The following NEURL1 variants were observed in gnomAD, a reference collection of about 807,000 sequenced individuals.
The protein encoded by NEURL1 is E3 ubiquitin-protein ligase NEURL1.
NEURL1 carries 26 observed loss-of-function variants against 41.2 expected under a neutral mutation model. That is an observed-to-expected ratio of 0.63 (90% CI 0.46 to 0.87). The LOEUF is 0.87. NEURL1 is among the 40% of genes least tolerant of loss of function. The pLI is 0.00. For missense variants in NEURL1, 761 were observed against 871.1 expected (o/e 0.87, Z 1.59); for synonymous variants, 400 against 402.3 (o/e 0.99, Z 0.07).
At chr10:103,544,313 G>C (rs1487813930) in intron 1 of NEURL1, among the ~76,000 whole-genome samples, 1 of 152,218 alleles carries the variant, frequency 6.6e-6, no homozygotes, top group Non-Finnish European at 1.5e-5. Flanking sequence ...GGGCCAGGAG[G>C]AGGACTGAGA....
chr10:103,541,577 A>G (rs1334948484), intron 1 of NEURL1, among the ~76,000 whole-genome samples: 2 of 152,180 alleles, frequency 1.3e-5, no homozygotes, highest in Admixed American at 1.3e-4. Flanking sequence ...AGCTGTGGGA[A>G]GCATTGCCTT....
chr10:103,495,497 G>A (rs2033661506), intron 1 of NEURL1, among the ~76,000 whole-genome samples: 1 of 152,236 alleles, frequency 6.6e-6, no homozygotes, highest in Admixed American at 6.5e-5. Flanking sequence ...AGTCAGCAGA[G>A]CAGAGCTAAT....
intron 1 of NEURL1, among the ~76,000 whole-genome samples, chr10:103,531,119 C>G (rs2034561149): frequency 6.6e-6 from 1 of 151,762 alleles, no homozygotes; most frequent in Admixed American, 6.6e-5. Flanking sequence ...ACTTGGGAGG[C>G]TGAGGCAGGA....
In NEURL1 at chr10:103,590,249, C is replaced by T. The variant is rs777867796; in HGVS notation, c.1602C>T (p.Tyr534=). The T allele has an allele frequency of 3.1e-5, 50 of 1,614,024 alleles. No individual in the cohort carries two copies. The highest frequency in any genetic ancestry group is 4.2e-5 in the Non-Finnish European group (49 of 1,180,020). ...AACACGCGGTGGACACGGTCATCTA[C>T]ACATGTGGCCACATGTGCCTCTGCT... ...CYEHAVDTVI[Y]TCGHMCLCYA... The change falls in exon 6 of 6, where the codon TAC becomes TAT. Residue 534 remains tyrosine, a synonymous_variant. Transcript: ENST00000369780.
intron 3 of NEURL1, 50 bp from the exon 4 acceptor site, chr10:103,584,486 G>A (rs1271549605): frequency 5.1e-5 from 62 of 1,225,858 alleles, no homozygotes; most frequent in South Asian, 1.6e-4. Flanking sequence ...GGCGCGCCGG[G>A]GCCGCCTCCC....
At chr10:103,581,951 TAGTG>T (rs2035791074) in intron 3 of NEURL1, among the ~76,000 whole-genome samples, 1 of 152,164 alleles carries the variant, frequency 6.6e-6, no homozygotes, top group Non-Finnish European at 1.5e-5. Context: ...GCCTGGAAGT[TAGTG>T]AGCACCTGGT....
intron 1 of NEURL1, among the ~76,000 whole-genome samples, chr10:103,538,835 A>G (rs1475500717): frequency 2.0e-5 from 3 of 149,864 alleles, no homozygotes; most frequent in East Asian, 4.1e-4. Context: ...TTAGTAGAGG[A>G]GGGGTTTCAC....
chr10:103,533,873 G>A lies in NEURL1; in HGVS notation c.86-36999G>A, dbSNP rs183220392. Among the ~76,000 whole-genome samples the A allele has an allele frequency of 3.3e-5, 5 of 151,910 alleles. No homozygotes were observed. In the East Asian group the frequency reaches 9.7e-4, roughly 29 times the overall value. On this transcript the variant is annotated intron_variant, in intron 1 of 5. Coordinates refer to ENST00000369780, the MANE Select transcript of NEURL1 (RefSeq NM_004210.5). The stretch of plus-strand genomic sequence containing the variant: ...TTTAGTAGAGATGGGGTTTCTCCAT[G>A]TTGGTCAGGCTGGTCTTGAACTTCT...
intron 3 of NEURL1, among the ~76,000 whole-genome samples, chr10:103,572,442 G>A (rs376302629): frequency 2.3e-4 from 35 of 152,334 alleles, no homozygotes; most frequent in African/African-American, 8.4e-4. Context: ...GAAGGCACTG[G>A]GGGAGCTAAG....
chr10:103,552,258 A>G (rs1004037554), intron 1 of NEURL1, among the ~76,000 whole-genome samples: 1 of 152,088 alleles, frequency 6.6e-6, no homozygotes, highest in Non-Finnish European at 1.5e-5. Context: ...CTGCTGCAGG[A>G]CTTCCCTATT....
Position 103,494,487 on chromosome 10 carries a change from C to G in NEURL1, c.85+15C>G, listed in dbSNP as rs556314120. The stretch of plus-strand genomic sequence containing the variant: ...GAACCTCAAAGGTAGGCTCCCCGGC[C>G]GAGCGCTGCTGGAGGACTGGGGCGC... On this transcript the variant is annotated intron_variant, in intron 1 of 5. Coordinates refer to ENST00000369780, the MANE Select transcript of NEURL1 (RefSeq NM_004210.5). The G allele has an allele frequency of 8.4e-6, 13 of 1,539,894 alleles. No homozygotes were observed. Among genetic ancestry groups the G allele is most frequent in the African/African-American group, 2.8e-5 (2 of 71,418 alleles).
At position 103,494,356 on chromosome 10, in the gene NEURL1, C is replaced by G. The variant is rs370410360; in HGVS notation, c.-32C>G. 8.4e-6 allele frequency: 13 copies of G among 1,546,914 alleles called. No homozygotes were observed. Among genetic ancestry groups the G allele is most frequent in the Admixed American group, 1.9e-5 (1 of 52,232 alleles). ...GCGCCTGCCCGGCCTCGCCCCCACC[C>G]GCGAGCGCCGAACCTCCTGGGGCCG... On this transcript the variant is annotated 5_prime_UTR_variant, in exon 1 of 6. Coordinates refer to ENST00000369780, the MANE Select transcript of NEURL1 (RefSeq NM_004210.5).
Position 103,547,596 on chromosome 10 carries a change from C to T in NEURL1, c.86-23276C>T, listed in dbSNP as rs886606567. Among the ~76,000 whole-genome samples, 13 of 152,222 alleles carry T rather than the reference C, an allele frequency of 8.5e-5. No homozygotes were observed. The East Asian group carries it at 2.3e-3, about 27-fold the overall frequency. ...ATCCCCAGAGGAAGGAGGGGGGCCT[C>T]CCAGCTTTGGGGTGGCTTCAGCTAG... On this transcript the variant is annotated intron_variant, in intron 1 of 5. Coordinates refer to ENST00000369780, the MANE Select transcript of NEURL1 (RefSeq NM_004210.5).
intron 1 of NEURL1, 143 bp downstream of exon 1, chr10:103,494,615 G>A: frequency 1.4e-6 from 1 of 718,174 alleles, no homozygotes; most frequent in Non-Finnish European, 2.2e-6. Flanking sequence ...AGTGGGCTGG[G>A]GGTGGAGGGC....
chr10:103,522,715 T>C (rs2034381146), intron 1 of NEURL1, among the ~76,000 whole-genome samples: 2 of 151,434 alleles, frequency 1.3e-5, no homozygotes, highest in Non-Finnish European at 2.9e-5. Flanking sequence ...AAATAATACA[T>C]ACATAAATAT....
intron 1 of NEURL1, among the ~76,000 whole-genome samples, chr10:103,522,977 A>AT (rs1166120889): frequency 6.6e-6 from 1 of 151,948 alleles, no homozygotes; most frequent in Non-Finnish European, 1.5e-5. Context: ...ATTTGACAGT[A>AT]TTTTTTAGCC....
chr10:103,534,465 A>G (rs1466859577), intron 1 of NEURL1, among the ~76,000 whole-genome samples: 2 of 151,678 alleles, frequency 1.3e-5, no homozygotes, highest in African/African-American at 4.8e-5. Flanking sequence ...AAAGAGTGTG[A>G]TGACTCTGTT....
intron 1 of NEURL1, among the ~76,000 whole-genome samples, chr10:103,522,589 C>T (rs1390070736): frequency 7.7e-5 from 7 of 90,414 alleles, no homozygotes; most frequent in African/African-American, 3.1e-4. Context: ...GCAACAAGAG[C>T]AAAACTCCAT....
At chr10:103,544,675 C>T (rs992263132) in intron 1 of NEURL1, among the ~76,000 whole-genome samples, 7 of 152,318 alleles carry the variant, frequency 4.6e-5, no homozygotes, top group South Asian at 4.1e-4. Flanking sequence ...GCCCTGAGAA[C>T]AAAGAGCTCT....
Sources: allele counts gnomAD v4.1 joint callset (sites outside exome capture counted in the v4.1 genomes callset), GRCh38; gene constraint gnomAD v4.1.1; transcripts MANE v1.5; gene names NCBI Gene and HGNC (gene_info 2026-07-23, HGNC 2026-07-21).